TRIML2: variants seen among roughly 807,000 people sequenced by gnomAD.
TRIML2 encodes tripartite motif family like 2.
TRIML2 carries 28 observed loss-of-function variants against 31.2 expected under a neutral mutation model. The ratio of observed to expected loss-of-function variants is 0.90; its 90% CI spans 0.66 to 1.23. The LOEUF (loss-of-function observed/expected upper bound fraction) is 1.23, where lower values mean the gene tolerates loss of function less well. Among genes scored for constraint, TRIML2 ranks in the 50% most tolerant of loss-of-function variants. TRIML2 has a pLI of 0.00. For missense variants in TRIML2, 536 were observed against 528.3 expected, an observed-to-expected ratio of 1.01 and a Z score of -0.14; for synonymous variants, 187 against 197.5, an observed-to-expected ratio of 0.95 and a Z score of 0.45.
rs1560943748 is a variant in TRIML2, at chr4:188,091,326, C to T, written c.*47G>A. ...ACACAAATTCTTTCAAAGTCTTGTTCTCCAACTTTCTGGTGTCTCGTGGTC... is the reference window on the plus strand; with the variant it reads ...ACACAAATTCTTTCAAAGTCTTGTTTTCCAACTTTCTGGTGTCTCGTGGTC... On this transcript the variant is annotated 3_prime_UTR_variant, in exon 8 of 8. Transcript: ENST00000682553. The T allele has an allele frequency of 6.4e-7, 1 of 1,551,576 alleles. No individual in the cohort carries two copies. Among genetic ancestry groups the T allele is most frequent in the Non-Finnish European group, 8.8e-7 (1 of 1,141,640 alleles).
chr4:188,092,663 A>G (rs1733321085), intron 7 of TRIML2: 2 of 408,554 alleles, frequency 4.9e-6, no homozygotes, highest in Non-Finnish European at 9.8e-6. Context: ...CACATCTTAA[A>G]TATCCCCACA....
chr4:188,098,921 G>T, intron 5 of TRIML2, 114 bp downstream of exon 5: 1 of 1,210,772 alleles, frequency 8.3e-7, no homozygotes, highest in Non-Finnish European at 1.1e-6. Context: ...GCCTTCTTTT[G>T]TGGTTGAAGA....
chr4:188,103,005 G>GTTTTTT (rs145048322), intron 3 of TRIML2, among the ~76,000 whole-genome samples: 23 of 97,858 alleles, frequency 2.4e-4, no homozygotes, highest in East Asian at 3.9e-4. Context: ...TACTCTCTTG[G>GTTTTTT]TTTTTTTTTT....
At chr4:188,108,677 TC>T (rs1315108473) in intron 1 of TRIML2, among the ~76,000 whole-genome samples, 2 of 152,024 alleles carry the variant, frequency 1.3e-5, no homozygotes, top group Non-Finnish European at 2.9e-5. Flanking sequence ...TCACAGCCCT[TC>T]CCCCTTCCGT....
Position 188,091,374 on chromosome 4 carries a change from T to A in TRIML2, c.1313A>T (p.Ter438LeuextTer20), listed in dbSNP as rs779628846. The A allele has an allele frequency of 6.2e-7, 1 of 1,609,870 alleles. No individual in the cohort carries two copies. Among genetic ancestry groups the A allele is most frequent in the Non-Finnish European group, 8.5e-7 (1 of 1,176,960 alleles). The change falls in exon 8 of 8, where the codon TAA becomes TTA. Residue 438 changes from the stop codon to leucine (L), a stop_lost. Transcript: ENST00000682553. Reference sequence around the variant, plus strand: ...GTCTTGGATTTTACACACAGAAGATTAAGGGCTAACAGTAGCATCACAAGA... The same window carrying A: ...GTCTTGGATTTTACACACAGAAGATAAAGGGCTAACAGTAGCATCACAAGA... ...GPSCDATVSP[*>L]
At chr4:188,098,361 T>A (rs145281509) in intron 5 of TRIML2, 1 of 359,824 alleles carries the variant, frequency 2.8e-6, no homozygotes, top group East Asian at 7.8e-5. Context: ...AGGGGTGAGG[T>A]CTTCCTCGGC....
rs763384722 is a variant in TRIML2 at position 188,091,681 on chromosome 4, C to T, written c.1006G>A (p.Gly336Arg). ...DAKGSTARAS[G>R]EKVLLTGSVM... ...GACCCCGTGAGCAAGACTTTCTCTCCGGAAGCTCTGGCCGTGCTGCCCTTC... is the reference window on the plus strand; with the variant it reads ...GACCCCGTGAGCAAGACTTTCTCTCTGGAAGCTCTGGCCGTGCTGCCCTTC... The change falls in exon 8 of 8, where the codon GGA becomes AGA. Residue 336 changes from glycine (G) to arginine (R), a missense_variant. Gly to Arg is a moderately radical substitution (Grantham distance 125, BLOSUM62 -2). Transcript: ENST00000682553. The T allele has an allele frequency of 8.1e-6, 13 of 1,612,980 alleles. No homozygotes were observed. The African/African-American group carries it at 9.3e-5, about 12-fold the overall frequency.
Position 188,091,379 on chromosome 4 carries a change from GCTAA to G in TRIML2, c.1304_1307del (p.Val435AlafsTer29), listed in dbSNP as rs1733242476. On this transcript the variant is annotated frameshift_variant, in exon 8 of 8. Coordinates refer to ENST00000682553, the MANE Select transcript of TRIML2 (RefSeq NM_173553.4). LOFTEE classifies it high-confidence loss of function. ...GGATTTTACACACAGAAGATTAAGG[GCTAA>G]CAGTAGCATCACAAGAAGGACCATG... The G allele has an allele frequency of 6.2e-7, 1 of 1,612,644 alleles. No homozygotes were observed. Among genetic ancestry groups the G allele is most frequent in the Non-Finnish European group, 8.5e-7 (1 of 1,178,980 alleles).
At chr4:188,103,252 G>C (rs947273324) in intron 3 of TRIML2, among the ~76,000 whole-genome samples, 18 of 151,838 alleles carry the variant, frequency 1.2e-4, no homozygotes, top group Admixed American at 5.9e-4. Context: ...CGCCCGCCTC[G>C]GCCTCCCAAA....
At chr4:188,100,614 T>C (rs984031238) in intron 4 of TRIML2, among the ~76,000 whole-genome samples, 1 of 151,882 alleles carries the variant, frequency 6.6e-6, no homozygotes, top group East Asian at 1.9e-4. Flanking sequence ...CCCAGCTACT[T>C]GGGAGGCTGA....
chr4:188,092,952 G>T (rs2111153790), intron 7 of TRIML2: 2 of 451,386 alleles, frequency 4.4e-6, no homozygotes, highest in African/African-American at 2.0e-5. Flanking sequence ...CTCCTTCACT[G>T]CCCCCAGGTA....
At chr4:188,105,762 C>T (rs1734000255) in intron 1 of TRIML2, 172 bp from the exon 2 acceptor site, 1 of 167,436 alleles carries the variant, frequency 6.0e-6, no homozygotes, top group South Asian at 1.9e-4. Context: ...ACTGAAGGAA[C>T]TTCAGGACTA....
intron 4 of TRIML2, among the ~76,000 whole-genome samples, chr4:188,099,711 G>A (rs76288194): frequency 0.11 from 17,402 of 152,124 alleles, 1,638 homozygotes; most frequent in East Asian, 0.51. Flanking sequence ...TTTGCCCCCT[G>A]TTATGTATGT....
chr4:188,097,575 C>G lies in TRIML2; in HGVS notation c.622-229G>C, dbSNP rs561626301. Among the ~76,000 whole-genome samples, 5 of 152,250 alleles carry G rather than the reference C, an allele frequency of 3.3e-5. No individual in the cohort carries two copies. In the South Asian group the frequency reaches 1.0e-3, roughly 32 times the overall value. On this transcript the variant is annotated intron_variant, in intron 5 of 7. Transcript: ENST00000682553. ...AGGGAAAGGTTTTCTATCCCTCACC[C>G]CAGGCATCTTACTCAGAGCCATCAT...
chr4:188,093,486 G>A (rs543540026), intron 7 of TRIML2, among the ~76,000 whole-genome samples: 10 of 151,752 alleles, frequency 6.6e-5, no homozygotes, highest in South Asian at 4.2e-4. Context: ...CCAGCCTGGC[G>A]AAACCCCATC....
At chr4:188,101,897 G>A (rs954857192) in intron 3 of TRIML2, among the ~76,000 whole-genome samples, 6 of 151,628 alleles carry the variant, frequency 4.0e-5, no homozygotes, top group South Asian at 4.2e-4. Context: ...TTGGGAGGCC[G>A]AGGCAGGCGG....
At chr4:188,097,848 G>A (rs1486623969) in intron 5 of TRIML2, among the ~76,000 whole-genome samples, 1 of 152,252 alleles carries the variant, frequency 6.6e-6, no homozygotes, top group African/African-American at 2.4e-5. Flanking sequence ...AAGGCCAGGC[G>A]CGGTGGCTCA....
intron 1 of TRIML2, chr4:188,106,809 G>A (rs1157268385): frequency 4.1e-6 from 1 of 245,946 alleles, no homozygotes; most frequent in South Asian, 5.5e-5. Flanking sequence ...TCAGACTCTT[G>A]CTAAGGTGGC....
intron 7 of TRIML2, among the ~76,000 whole-genome samples, chr4:188,095,998 A>G (rs1733490168): frequency 6.6e-6 from 1 of 152,238 alleles, no homozygotes; most frequent in South Asian, 2.1e-4. Flanking sequence ...CTATAAGGAC[A>G]GGAGATATAA....
Sources: gnomAD v4.1 joint callset for allele counts (sites outside exome capture counted in the v4.1 genomes callset) on GRCh38, gnomAD v4.1.1 for gene constraint, MANE v1.5 for transcripts, NCBI Gene and HGNC (gene_info 2026-07-23, HGNC 2026-07-21) for gene names.